The following MYO16 variants were observed in gnomAD, a reference collection of about 807,000 sequenced individuals.
MYO16 encodes myosin XVI.
Under a neutral mutation model 205.3 loss-of-function variants are expected in MYO16, and 94 were observed. The observed-to-expected ratio is 0.46, with a 90% CI of 0.39 to 0.54. The LOEUF (loss-of-function observed/expected upper bound fraction) is 0.54. MYO16 is among the 20% of genes least tolerant of loss of function. MYO16 has a pLI of 0.00. For synonymous variants in MYO16, 988 were observed against 954.0 expected (o/e 1.04, Z -0.66); for missense variants, 2,315 against 2,387.5 (o/e 0.97, Z 0.63).
chr13:108,669,636 C>G (rs1881895974), intron 2 of MYO16, among the ~76,000 whole-genome samples: 1 of 152,186 alleles, frequency 6.6e-6, no homozygotes, highest in Admixed American at 6.5e-5. Context: ...TCATATCCCT[C>G]ACCCATTTGT....
chr13:108,688,449 G>A (rs1018037070), intron 2 of MYO16, among the ~76,000 whole-genome samples: 4 of 152,024 alleles, frequency 2.6e-5, no homozygotes, highest in South Asian at 2.1e-4. Context: ...GTACATAACT[G>A]AATTAGTTCA....
chr13:108,888,506 T>C, intron 14 of MYO16, 29 bp downstream of exon 14: 1 of 1,503,342 alleles, frequency 6.7e-7, no homozygotes. Context: ...TTGGCAAATA[T>C]GTGAATGAAG....
chr13:108,723,971 T>G lies in MYO16; in HGVS notation c.364-3469T>G, dbSNP rs890434998. On this transcript the variant is annotated intron_variant, in intron 3 of 34. Coordinates refer to ENST00000457511, the MANE Select transcript of MYO16 (RefSeq NM_001198950.3). ...ACCCAAGAACACACTAAATTTCCAT[T>G]TATTTAGGTTTAAAAAATTATCTCA... Among the ~76,000 whole-genome samples the G allele has an allele frequency of 2.4e-4, 36 of 152,186 alleles. 1 individual carries two copies. The highest frequency in any genetic ancestry group is 8.7e-4 in the African/African-American group (36 of 41,460).
At chr13:108,861,732 G>A (rs1316000000) in intron 11 of MYO16, among the ~76,000 whole-genome samples, 1 of 152,002 alleles carries the variant, frequency 6.6e-6, no homozygotes, top group African/African-American at 2.4e-5. Flanking sequence ...TGTGTTTGTT[G>A]TTCATTTGAT....
At chr13:108,734,445 C>A (rs780677921) in intron 4 of MYO16, among the ~76,000 whole-genome samples, 3 of 152,108 alleles carry the variant, frequency 2.0e-5, no homozygotes, top group Non-Finnish European at 4.4e-5. Flanking sequence ...TAAAGATAAT[C>A]ATATTTTCAA....
At chr13:109,142,906 G>A (rs1036336557) in intron 32 of MYO16, among the ~76,000 whole-genome samples, 2 of 152,000 alleles carry the variant, frequency 1.3e-5, no homozygotes, top group African/African-American at 2.4e-5. Context: ...TCATTCTTTC[G>A]TTGCTTCATT....
intron 25 of MYO16, among the ~76,000 whole-genome samples, chr13:109,053,720 T>G (rs1887323906): frequency 6.6e-6 from 1 of 152,112 alleles, no homozygotes; most frequent in Non-Finnish European, 1.5e-5. Flanking sequence ...ATTATGATTA[T>G]TCCTTAAATG....
At chr13:108,980,618 G>A (rs1235381485) in intron 20 of MYO16, among the ~76,000 whole-genome samples, 9 of 152,124 alleles carry the variant, frequency 5.9e-5, no homozygotes, top group African/African-American at 9.7e-5. Flanking sequence ...TGCCTTTTTC[G>A]AATGTAATTT....
At position 108,855,484 on chromosome 13, in the gene MYO16, G is replaced by A. The variant is rs780284499; in HGVS notation, c.1290G>A (p.Thr430=). ...CTGCCCCAAACGATGACCTGGCAACGCTCAGCGAGCTCAATGATGGCAGCC... is the reference window on the plus strand; with the variant it reads ...CTGCCCCAAACGATGACCTGGCAACACTCAGCGAGCTCAATGATGGCAGCC... ...MPPAPNDDLA[T]LSELNDGSLL... The change falls in exon 11 of 35, where the codon ACG becomes ACA. Residue 430 remains threonine (T), a synonymous_variant. Transcript: ENST00000457511. 3 of 1,596,706 alleles carry A rather than the reference G, an allele frequency of 1.9e-6. No individual in the cohort carries two copies. Among genetic ancestry groups the A allele is most frequent in the Non-Finnish European group, 2.6e-6 (3 of 1,166,484 alleles).
chr13:108,921,174 C>A (rs562491252), intron 16 of MYO16, among the ~76,000 whole-genome samples: 12 of 152,348 alleles, frequency 7.9e-5, no homozygotes. Context: ...TCCTGCCAGT[C>A]TCTTCCCACC....
At chr13:109,152,298 G>T (rs1391919123) in intron 32 of MYO16, among the ~76,000 whole-genome samples, 1 of 152,182 alleles carries the variant, frequency 6.6e-6, no homozygotes, top group Non-Finnish European at 1.5e-5. Flanking sequence ...GGAGATAGGA[G>T]CACACTCTTG....
chr13:108,793,001 G>A (rs1202044080), intron 5 of MYO16, among the ~76,000 whole-genome samples: 1 of 152,100 alleles, frequency 6.6e-6, no homozygotes, highest in Non-Finnish European at 1.5e-5. Context: ...GCCATTATAA[G>A]GCATCATATC....
In MYO16 at chr13:108,756,206, G is replaced by A. The variant is rs144002786; in HGVS notation, c.507+28623G>A. On this transcript the variant is annotated intron_variant, in intron 4 of 34. Coordinates refer to ENST00000457511, the MANE Select transcript of MYO16 (RefSeq NM_001198950.3). The stretch of plus-strand genomic sequence containing the variant: ...TTTATGGTTAAGATTTTCTTTTCTA[G>A]ACTTATTTTTCAGTAGAAAAAAATG... Among the ~76,000 whole-genome samples, 100 of 151,932 alleles carry A rather than the reference G, an allele frequency of 6.6e-4. No individual in the cohort carries two copies. The East Asian group carries it at 0.018, about 27-fold the overall frequency.
At chr13:108,608,572 C>T (rs768961647) in intron 1 of MYO16, among the ~76,000 whole-genome samples, 3 of 152,080 alleles carry the variant, frequency 2.0e-5, no homozygotes, top group Non-Finnish European at 4.4e-5. Context: ...AATAAATACA[C>T]ACACGCATAC....
chr13:109,132,354 G>A (rs1231589568), intron 31 of MYO16, among the ~76,000 whole-genome samples: 1 of 152,138 alleles, frequency 6.6e-6, no homozygotes, highest in East Asian at 1.9e-4. Flanking sequence ...CAAAATTGCT[G>A]TACAACTGCA....
chr13:109,161,697 T>G (rs528502005), intron 32 of MYO16, among the ~76,000 whole-genome samples: 3 of 152,132 alleles, frequency 2.0e-5, no homozygotes, highest in African/African-American at 7.2e-5. Flanking sequence ...ATAAATGTTT[T>G]TAAGATTTAA....
intron 27 of MYO16, among the ~76,000 whole-genome samples, chr13:109,060,466 A>G (rs1887555891): frequency 6.6e-6 from 1 of 151,646 alleles, no homozygotes; most frequent in African/African-American, 2.4e-5. Flanking sequence ...GGGGAGCATC[A>G]CACACTGGGG....
At chr13:109,173,374 TAAAAG>T (rs1238680834) in intron 33 of MYO16, among the ~76,000 whole-genome samples, 3 of 152,138 alleles carry the variant, frequency 2.0e-5, no homozygotes, top group Non-Finnish European at 4.4e-5. Context: ...TCCACATAGA[TAAAAG>T]AGATGAGTCT....
chr13:109,071,499 A>T (rs1216580690), intron 27 of MYO16, among the ~76,000 whole-genome samples: 2 of 152,188 alleles, frequency 1.3e-5, no homozygotes, highest in Non-Finnish European at 2.9e-5. Context: ...ACCTTTTTCC[A>T]GCTCTGATCA....
Sources: allele counts gnomAD v4.1 joint callset (sites outside exome capture counted in the v4.1 genomes callset), GRCh38; gene constraint gnomAD v4.1.1; transcripts MANE v1.5; gene names NCBI Gene and HGNC (gene_info 2026-07-23, HGNC 2026-07-21).